The following EPHX2 variants were observed in gnomAD, a reference collection of about 807,000 sequenced individuals.
EPHX2 encodes the protein bifunctional epoxide hydrolase 2.
EPHX2 carries 74 observed loss-of-function variants against 78.7 expected under a neutral mutation model. That is an observed-to-expected ratio of 0.94 (90% CI 0.78 to 1.14). The LOEUF is 1.14. Ranked by LOEUF, EPHX2 falls within the 50% of genes most tolerant of loss-of-function variation. EPHX2 has a pLI of 0.00. For synonymous variants in EPHX2, 251 were observed against 255.2 expected (o/e 0.98, Z 0.16); for missense variants, 715 against 702.5 (o/e 1.02, Z -0.20).
intron 12 of EPHX2, among the ~76,000 whole-genome samples, chr8:27,531,782 C>T (rs73556202): frequency 0.019 from 2,836 of 152,230 alleles, 81 homozygotes; most frequent in African/African-American, 0.063. Flanking sequence ...GACCTGTTCT[C>T]TACCTTGGAA....
At position 27,511,766 on chromosome 8, in the gene EPHX2, A is replaced by G. The variant is rs1814256880; in HGVS notation, c.661-70A>G. 13 of 1,496,664 alleles carry G rather than the reference A, an allele frequency of 8.7e-6. 1 individual carries two copies. In the Admixed American group the frequency reaches 1.7e-4, roughly 19 times the overall value. 92.7% of individuals were successfully genotyped at this position (1,496,664 alleles called of 1,614,324 possible). On this transcript the variant is annotated intron_variant, in intron 5 of 18. Transcript: ENST00000521400. ...GATTTCCAAGGCCTCCCCTGGCACC[A>G]GTATTCAGGAGAGCCTCTCACGGAA...
intron 1 of EPHX2, among the ~76,000 whole-genome samples, chr8:27,496,293 G>A (rs754682627): frequency 7.9e-5 from 12 of 152,160 alleles, no homozygotes; most frequent in Non-Finnish European, 1.2e-4. Context: ...CATACTGAAG[G>A]ACCAGAGTGC....
In EPHX2 at chr8:27,544,643, G is replaced by C. The variant is rs1055579529; in HGVS notation, c.*121G>C. 3.0e-6 allele frequency: 3 copies of C among 992,810 alleles called. No individual in the cohort carries two copies. In the Admixed American group the frequency reaches 7.1e-5, roughly 23 times the overall value. 61.5% of individuals were successfully genotyped at this position (992,810 alleles called of 1,614,324 possible). On this transcript the variant is annotated 3_prime_UTR_variant, in exon 19 of 19. Coordinates refer to ENST00000521400, the MANE Select transcript of EPHX2 (RefSeq NM_001979.6). ...ATGGATGGCAGCATTGTTCTGAAGG[G>C]GTTTGCAGAAAAAAAAGATTTTCTT...
rs1176984166 is a variant in EPHX2 at position 27,501,371 on chromosome 8, T to TC, written c.186+362dup. The stretch of plus-strand genomic sequence containing the variant: ...TTCTTCTTCTTCTTCTTCTTCTTCT[T>TC]CTTCTTCTTCTTCTTCTTCTTCTTT... On this transcript the variant is annotated intron_variant, in intron 2 of 18. Coordinates refer to ENST00000521400, the MANE Select transcript of EPHX2 (RefSeq NM_001979.6). Among the ~76,000 whole-genome samples, 21 of 120,874 alleles carry TC rather than the reference T, an allele frequency of 1.7e-4. 1 individual carries two copies. Among genetic ancestry groups the TC allele is most frequent in the African/African-American group, 6.9e-4 (20 of 29,162 alleles). The allele number at this position is 120,874 out of a possible 152,430, so 79.3% of individuals were successfully genotyped here. A position where few individuals can be genotyped will look rare whatever the true frequency, so the allele number is the denominator to read the frequency against.
rs753247698 is a variant in EPHX2 at position 27,491,232 on chromosome 8, C to T, written c.24C>T (p.Phe8=). ...CCATGACGCTGCGCGCGGCCGTCTT[C>T]GACCTTGACGGGGTGCTGGCGCTGC... The part of the protein sequence containing the change: MTLRAAV[F]DLDGVLALPA... Residue 8 remains phenylalanine (F), a synonymous_variant, in exon 1 of 19, where the codon TTC becomes TTT. Transcript: ENST00000521400. 1 of 1,585,038 alleles carries T rather than the reference C, an allele frequency of 6.3e-7. No individual in the cohort carries two copies. The highest frequency in any genetic ancestry group is 8.5e-7 in the Non-Finnish European group (1 of 1,174,260).
chr8:27,534,862 CAG>C (rs1815160137), intron 12 of EPHX2, among the ~76,000 whole-genome samples: 1 of 152,136 alleles, frequency 6.6e-6, no homozygotes, highest in South Asian at 2.1e-4. Context: ...CCAAGAAAAG[CAG>C]AGTTACCCCT....
At chr8:27,522,234 G>A (rs72475882) in intron 10 of EPHX2, among the ~76,000 whole-genome samples, 189 bp from the exon 11 acceptor site, 9 of 152,350 alleles carry the variant, frequency 5.9e-5, no homozygotes, top group African/African-American at 2.2e-4. Context: ...AGATGTAAAA[G>A]GCTGGCTATT....
Position 27,516,463 on chromosome 8 carries a change from G to T in EPHX2, c.910+65G>T, listed in dbSNP as rs72475846. On this transcript the variant is annotated intron_variant, in intron 8 of 18. Transcript: ENST00000521400. ...CCTTCTACCTGCCTGAGCGCTCCAC[G>T]CCTCGGTGCTTTCCCTGGTCCCAGA... 1.7e-5 allele frequency: 25 copies of T among 1,451,116 alleles called. No homozygotes were observed. In the African/African-American group the frequency reaches 2.8e-4, roughly 16 times the overall value. 89.9% of individuals were successfully genotyped at this position (1,451,116 alleles called of 1,614,324 possible).
In EPHX2 at chr8:27,524,520, C is replaced by G. The variant is rs552075597; in HGVS notation, c.1059-842C>G. The stretch of plus-strand genomic sequence containing the variant: ...CTCAGGTCCCTTCATGTCTAGGCTC[C>G]CCACTGCCTTTCTGTTGTTATTTCC... On this transcript the variant is annotated intron_variant, in intron 11 of 18. Coordinates refer to ENST00000521400, the MANE Select transcript of EPHX2 (RefSeq NM_001979.6). 1.3e-4 allele frequency among the ~76,000 whole-genome samples: 20 copies of G among 152,306 alleles called. 1 individual carries two copies. The South Asian group carries it at 4.1e-3, about 32-fold the overall frequency.
chr8:27,532,372 T>C (rs948049439), intron 12 of EPHX2, among the ~76,000 whole-genome samples: 4 of 152,236 alleles, frequency 2.6e-5, no homozygotes, highest in African/African-American at 9.6e-5. Context: ...TAAGACCGTA[T>C]CTTTAAATCC....
chr8:27,506,674 T>C (rs1171950844), intron 4 of EPHX2, among the ~76,000 whole-genome samples, 198 bp from the exon 5 acceptor site: 1 of 152,232 alleles, frequency 6.6e-6, no homozygotes, highest in Non-Finnish European at 1.5e-5. Context: ...ATTTCAGAAG[T>C]GGCTGAAGCC....
At chr8:27,513,307 G>A (rs955309825) in intron 6 of EPHX2, among the ~76,000 whole-genome samples, 2 of 152,234 alleles carry the variant, frequency 1.3e-5, no homozygotes, top group African/African-American at 2.4e-5. Context: ...GAAGGGGTGA[G>A]TGTTTAATCA....
intron 12 of EPHX2, among the ~76,000 whole-genome samples, chr8:27,527,719 A>G (rs1319205133): frequency 6.6e-6 from 1 of 152,234 alleles, no homozygotes; most frequent in Non-Finnish European, 1.5e-5. Flanking sequence ...CAGGGGCCAG[A>G]ACTGCCTTCC....
At chr8:27,540,511 C>T in intron 14 of EPHX2, 43 bp from the exon 15 acceptor site, 2 of 1,587,258 alleles carry the variant, frequency 1.3e-6, no homozygotes, top group Non-Finnish European at 1.7e-6. Context: ...ATGCAGACAC[C>T]TGGCCCGGGG....
chr8:27,502,141 C>T (rs750951474), intron 2 of EPHX2, among the ~76,000 whole-genome samples: 8 of 152,222 alleles, frequency 5.3e-5, no homozygotes, highest in Non-Finnish European at 8.8e-5. Context: ...ACTTCTATCC[C>T]AATAGATCAC....
At chr8:27,538,627 T>C in intron 13 of EPHX2, 32 bp from the exon 14 acceptor site, 5 of 1,597,856 alleles carry the variant, frequency 3.1e-6, no homozygotes, top group Non-Finnish European at 4.3e-6. Context: ...ACCCATGACA[T>C]CATTTGTAAC....
Position 27,541,189 on chromosome 8 carries a change from C to G in EPHX2, c.1380-284C>G, listed in dbSNP as rs556095852. Among the ~76,000 whole-genome samples the G allele has an allele frequency of 1.4e-4, 21 of 152,274 alleles. No homozygotes were observed. In the South Asian group the frequency reaches 3.9e-3, roughly 29 times the overall value. ...GCCTCCAAGGTGACACGATGACATT[C>G]CCTGGAGGGTCCTGTAGGGCCGGCT... is the stretch of plus-strand genomic sequence containing the variant. On this transcript the variant is annotated intron_variant, in intron 15 of 18. Transcript: ENST00000521400.
chr8:27,522,471 G>A lies in EPHX2; in HGVS notation c.1021G>A (p.Val341Met), dbSNP rs774088132. ...TGGCCATGACTGGGGTGGCATGCTGGTGTGGTACATGGCTCTCTTCTACCC... is the reference window on the plus strand; with the variant it reads ...TGGCCATGACTGGGGTGGCATGCTGATGTGGTACATGGCTCTCTTCTACCC... ...FIGHDWGGML[V>M]WYMALFYPER... Residue 341 changes from valine to methionine, a missense_variant, in exon 11 of 19, where the codon GTG becomes ATG. Coordinates refer to ENST00000521400, the MANE Select transcript of EPHX2 (RefSeq NM_001979.6). 9 of 1,613,994 alleles carry A rather than the reference G, an allele frequency of 5.6e-6. No homozygotes were observed. In the African/African-American group the frequency reaches 9.3e-5, roughly 17 times the overall value.
chr8:27,502,431 G>T (rs1446262639), intron 2 of EPHX2, among the ~76,000 whole-genome samples: 1 of 152,210 alleles, frequency 6.6e-6, no homozygotes, highest in Admixed American at 6.5e-5. Context: ...CTATTAGTGA[G>T]TGTATTAGTT....
Sources: allele counts gnomAD v4.1 joint callset (sites outside exome capture counted in the v4.1 genomes callset), GRCh38; gene constraint gnomAD v4.1.1; transcripts MANE v1.5; gene names NCBI Gene and HGNC (gene_info 2026-07-23, HGNC 2026-07-21).